UACA: variants seen among roughly 807,000 people sequenced by gnomAD.
UACA encodes the protein nuclear membrane binding protein.
In UACA, 112 loss-of-function variants were observed where a neutral mutation model predicts 160.5. That is an observed-to-expected ratio of 0.70 (90% CI 0.60 to 0.82). The LOEUF (loss-of-function observed/expected upper bound fraction) is 0.82, where lower values mean the gene tolerates loss of function less well. UACA is among the 40% of genes least tolerant of loss of function. The pLI, the probability that UACA is intolerant of heterozygous loss-of-function variation, is 0.00. For synonymous variants in UACA, 557 were observed against 568.4 expected, an observed-to-expected ratio of 0.98 and a Z score of 0.29; for missense variants, 1,574 against 1,614.6, an observed-to-expected ratio of 0.97 and a Z score of 0.43.
At chr15:70,711,077 T>C (rs1486211744) in intron 1 of UACA, among the ~76,000 whole-genome samples, 1 of 152,198 alleles carries the variant, frequency 6.6e-6, no homozygotes, top group African/African-American at 2.4e-5. Context: ...AAGGCACTCT[T>C]ATCTCTCTGG....
intron 11 of UACA, among the ~76,000 whole-genome samples, chr15:70,677,583 A>T (rs1255878334): frequency 6.6e-6 from 1 of 152,220 alleles, no homozygotes; most frequent in Non-Finnish European, 1.5e-5. Context: ...TGCAAATATC[A>T]CATAAGATTT....
In UACA at chr15:70,657,007, T is replaced by C. The variant is rs762170475; in HGVS notation, c.*49A>G. ...AAAGACCATGGAGTTGCACAAAGAA[T>C]GTTCAGCACCAGCAAGATAAAACAG... is the stretch of plus-strand genomic sequence containing the variant. On this transcript the variant is annotated 3_prime_UTR_variant, in exon 19 of 19. Coordinates refer to ENST00000322954, the MANE Select transcript of UACA (RefSeq NM_018003.4). The C allele has an allele frequency of 1.2e-5, 18 of 1,489,782 alleles. No homozygotes were observed. Among genetic ancestry groups the C allele is most frequent in the Admixed American group, 1.7e-5 (1 of 59,580 alleles). The allele number at this position is 1,489,782 out of a possible 1,614,324, so 92.3% of individuals were successfully genotyped here. A position where few individuals can be genotyped will look rare whatever the true frequency, so the allele number is the denominator to read the frequency against.
At position 70,668,903 on chromosome 15, in the gene UACA, T is replaced by A; in HGVS notation, c.1781A>T (p.Glu594Val). 6.2e-7 allele frequency: 1 copy of A among 1,613,504 alleles called. No homozygotes were observed. The highest frequency in any genetic ancestry group is 8.5e-7 in the Non-Finnish European group (1 of 1,179,898). The stretch of plus-strand genomic sequence containing the variant: ...TCGCTCCATTTCACACATACTAAGT[T>A]CCTTCTGTAATCGCTTATTTTCTTC... ...LIEENKRLQK[E>V]LSMCEMEREK... The change falls in exon 16 of 19, where the codon GAA (glutamate) becomes GTA (valine). Residue 594 changes from glutamate to valine, a missense_variant. Coordinates refer to ENST00000322954, the MANE Select transcript of UACA (RefSeq NM_018003.4).
At chr15:70,770,054 T>C in the UACA span, among the ~76,000 whole-genome samples, 4 of 152,208 alleles carry the variant, frequency 2.6e-5, no homozygotes, top group Middle Eastern at 3.2e-3. Flanking sequence ...AAAAAAATAC[T>C]TACTGCATGA....
At chr15:70,671,812 A>G (rs1897148287) in intron 14 of UACA, 153 bp downstream of exon 14, 3 of 456,856 alleles carry the variant, frequency 6.6e-6, no homozygotes, top group South Asian at 1.5e-4. Flanking sequence ...TACAATAGTC[A>G]TCTTAACGTC....
In UACA at chr15:70,719,148, G is replaced by A. The variant is rs200532193; in HGVS notation, c.79-19488C>T. Among the ~76,000 whole-genome samples, 15 of 151,972 alleles carry A rather than the reference G, an allele frequency of 9.9e-5. No homozygotes were observed. The East Asian group carries it at 2.1e-3, about 22-fold the overall frequency. ...GAAGAGAAGAGAACAGAAGAGAAGAGAAGAGAAGAGGCTCAGAAAAGGGGC... is the reference window on the plus strand; with the variant it reads ...GAAGAGAAGAGAACAGAAGAGAAGAAAAGAGAAGAGGCTCAGAAAAGGGGC... On this transcript the variant is annotated intron_variant, in intron 1 of 18. Coordinates refer to ENST00000322954, the MANE Select transcript of UACA (RefSeq NM_018003.4).
At chr15:70,756,137 C>A (rs1180552069) in intron 1 of UACA, among the ~76,000 whole-genome samples, 1 of 151,766 alleles carries the variant, frequency 6.6e-6, no homozygotes, top group Non-Finnish European at 1.5e-5. Context: ...AACAGTATCA[C>A]AAAAGTGAAT....
chr15:70,722,016 A>C (rs1899008179), intron 1 of UACA, among the ~76,000 whole-genome samples: 3 of 152,196 alleles, frequency 2.0e-5, no homozygotes, highest in Non-Finnish European at 4.4e-5. Context: ...CTATTCAGTA[A>C]GTTCTCTTAA....
rs770019747 is a variant in UACA at position 70,667,267 on chromosome 15, T to C, written c.3417A>G (p.Gln1139=). The change falls in exon 16 of 19, where the codon CAA becomes CAG. Residue 1139 remains glutamine (Q), a synonymous_variant. Coordinates refer to ENST00000322954, the MANE Select transcript of UACA (RefSeq NM_018003.4). ...ENLKEELKSM[Q]RCYEKEQQTV... ...TCTGCTGCTCTTTCTCGTAACACCT[T>C]TGCATACTCTTCAGTTCTTCCTTTA... 11 of 1,613,326 alleles carry C rather than the reference T, an allele frequency of 6.8e-6. No homozygotes were observed. In the Middle Eastern group the frequency reaches 1.5e-3, roughly 218 times the overall value.
chr15:70,754,183 T>C (rs1351410467), intron 1 of UACA: 1 of 455,776 alleles, frequency 2.2e-6, no homozygotes, highest in East Asian at 6.9e-5. Context: ...GACATTCACC[T>C]GCGCTCTCTC....
Position 70,684,314 on chromosome 15 carries a change from A to AT in UACA, c.734dup (p.Asn245LysfsTer39). The AT allele has an allele frequency of 2.5e-6, 4 of 1,613,726 alleles. No homozygotes were observed. Among genetic ancestry groups the AT allele is most frequent in the Non-Finnish European group, 3.4e-6 (4 of 1,179,784 alleles). ...TCTTCAACAAGGTTAGAATGTCCAGATTGTCACCAATTCTTGCATAGTAAG... is the reference window on the plus strand; with the variant it reads ...TCTTCAACAAGGTTAGAATGTCCAGATTTGTCACCAATTCTTGCATAGTAAG... On this transcript the variant is annotated frameshift_variant, in exon 8 of 19. Coordinates refer to ENST00000322954, the MANE Select transcript of UACA (RefSeq NM_018003.4). LOFTEE classifies it high-confidence loss of function.
At chr15:70,762,395 C>A (rs773594099) in intron 1 of UACA, among the ~76,000 whole-genome samples, 11 of 152,186 alleles carry the variant, frequency 7.2e-5, no homozygotes, top group Non-Finnish European at 1.3e-4. Context: ...CATAACAACT[C>A]CTTTACGTTC....
chr15:70,683,762 T>C (rs144370042), intron 8 of UACA, among the ~76,000 whole-genome samples: 86 of 152,172 alleles, frequency 5.7e-4, no homozygotes, highest in African/African-American at 2.0e-3. Context: ...AGAAGGATAT[T>C]TCTCAAAATG....
chr15:70,755,717 ATC>A (rs2030385399), intron 1 of UACA, among the ~76,000 whole-genome samples: 2 of 152,078 alleles, frequency 1.3e-5, no homozygotes, highest in African/African-American at 4.8e-5. Flanking sequence ...CTTTACCACA[ATC>A]CCCAAGCTGC....
chr15:70,678,171 CCTCT>C lies in UACA; in HGVS notation c.923_926del (p.Glu308GlyfsTer2). ...TTTGTTCTTGCTGAATTTTTCTCAA[CCTCT>C]CTTTCAAATCTTCATTTTCAATCTC... On this transcript the variant is annotated frameshift_variant, in exon 11 of 19. Coordinates refer to ENST00000322954, the MANE Select transcript of UACA (RefSeq NM_018003.4). LOFTEE classifies it high-confidence loss of function. 6.2e-7 allele frequency: 1 copy of C among 1,611,670 alleles called. No homozygotes were observed. Among genetic ancestry groups the C allele is most frequent in the Non-Finnish European group, 8.5e-7 (1 of 1,179,460 alleles).
At chr15:70,728,295 G>A (rs556299664) in intron 1 of UACA, among the ~76,000 whole-genome samples, 6 of 152,264 alleles carry the variant, frequency 3.9e-5, no homozygotes, top group South Asian at 2.1e-4. Context: ...CAGGCGCAGC[G>A]GCTCACGCCT....
rs1897019171 is a variant in UACA, at chr15:70,668,551, T to C, written c.2133A>G (p.Lys711=). Residue 711 remains lysine, a synonymous_variant, in exon 16 of 19, where the codon AAA becomes AAG. Coordinates refer to ENST00000322954, the MANE Select transcript of UACA (RefSeq NM_018003.4). ...CAATTTCCTTTTGTAGTGTCTGATT[T>C]TTCAATGTTAACTCAGTGATCTTCT... ...LGKKITELTL[K]NQTLQKEIEK... 6.2e-7 allele frequency: 1 copy of C among 1,611,844 alleles called. No individual in the cohort carries two copies.
chr15:70,699,373 G>A (rs938104071), intron 2 of UACA, among the ~76,000 whole-genome samples, 154 bp downstream of exon 2: 8 of 151,960 alleles, frequency 5.3e-5, no homozygotes, highest in African/African-American at 1.9e-4. Flanking sequence ...TTTAAATTGA[G>A]AACAATTATT....
At chr15:70,756,750 G>A (rs749594428) in intron 1 of UACA, among the ~76,000 whole-genome samples, 5 of 152,154 alleles carry the variant, frequency 3.3e-5, no homozygotes, top group Non-Finnish European at 5.9e-5. Flanking sequence ...GCGGGCAGCT[G>A]TAATCCCAAC....
Sources: gnomAD v4.1 joint callset for allele counts (sites outside exome capture counted in the v4.1 genomes callset) on GRCh38, gnomAD v4.1.1 for gene constraint, MANE v1.5 for transcripts, NCBI Gene and HGNC (gene_info 2026-07-23, HGNC 2026-07-21) for gene names.